Variants in RPH3A observed in about 807,000 individuals in gnomAD.
RPH3A encodes the protein rabphilin 3A.
Under a neutral mutation model 102.2 loss-of-function variants are expected in RPH3A, and 48 were observed. The observed-to-expected ratio is 0.47, with a 90% CI of 0.37 to 0.60. The LOEUF (loss-of-function observed/expected upper bound fraction) is 0.60, where lower values mean the gene tolerates loss of function less well. Ranked by LOEUF, RPH3A falls within the 20% of genes least tolerant of loss-of-function variation. The pLI is 0.00. For missense variants in RPH3A, 781 were observed against 910.1 expected (o/e 0.86, Z 1.83); for synonymous variants, 310 against 324.3 (o/e 0.96, Z 0.47).
chr12:112,585,660 G>A (rs2039433752), intron 1 of RPH3A, among the ~76,000 whole-genome samples: 1 of 152,084 alleles, frequency 6.6e-6, no homozygotes, highest in Non-Finnish European at 1.5e-5. Flanking sequence ...GCTTGGACTC[G>A]GGAGGCAGAG....
intron 1 of RPH3A, among the ~76,000 whole-genome samples, chr12:112,579,436 C>T (rs2039381199): frequency 6.6e-6 from 1 of 152,106 alleles, no homozygotes; most frequent in Non-Finnish European, 1.5e-5. Context: ...GAACTGCCCT[C>T]CAGAATGCCT....
intron 10 of RPH3A, among the ~76,000 whole-genome samples, chr12:112,874,530 C>G (rs1172172562): frequency 6.6e-6 from 1 of 152,172 alleles, no homozygotes; most frequent in African/African-American, 2.4e-5. Context: ...CTGTTGCCTC[C>G]ATGGGGCATC....
At chr12:112,660,336 GAC>G (rs2040041052) in intron 1 of RPH3A, among the ~76,000 whole-genome samples, 1 of 152,082 alleles carries the variant, frequency 6.6e-6, no homozygotes, top group African/African-American at 2.4e-5. Flanking sequence ...TGACTAAAGT[GAC>G]ACACATTATT....
At chr12:112,829,684 T>C (rs2041936833) in intron 3 of RPH3A, among the ~76,000 whole-genome samples, 1 of 152,246 alleles carries the variant, frequency 6.6e-6, no homozygotes, top group African/African-American at 2.4e-5. Context: ...ATAACATTAT[T>C]GTTATTTTCT....
chr12:112,731,515 G>A (rs766249982), intron 1 of RPH3A, among the ~76,000 whole-genome samples: 1 of 152,184 alleles, frequency 6.6e-6, no homozygotes, highest in Non-Finnish European at 1.5e-5. Flanking sequence ...AATCACCTGT[G>A]AATGCCTTTG....
In RPH3A at chr12:112,672,038, T is replaced by TTA. The variant is rs1031845343; in HGVS notation, c.-140+96733_-140+96734dup. Among the ~76,000 whole-genome samples, 596 of 148,568 alleles carry TTA rather than the reference T, an allele frequency of 4.0e-3. 2 individuals carry two copies. Among genetic ancestry groups the TTA allele is most frequent in the African/African-American group, 0.013 (522 of 40,628 alleles). ...TTTAGTGACTTAAATATATATATATTTATATATATATATATGAGAGAGATT... is the reference window on the plus strand; with the variant it reads ...TTTAGTGACTTAAATATATATATATTTATATATATATATATATGAGAGAGATT... On this transcript the variant is annotated intron_variant, in intron 1 of 21. Transcript: ENST00000543106.
At chr12:112,642,135 A>G (rs965641194) in intron 1 of RPH3A, among the ~76,000 whole-genome samples, 1 of 152,156 alleles carries the variant, frequency 6.6e-6, no homozygotes. Context: ...CCTTCTTTGT[A>G]AAAAACAAAC....
At chr12:112,614,870 G>T (rs999129756) in intron 1 of RPH3A, among the ~76,000 whole-genome samples, 1 of 152,020 alleles carries the variant, frequency 6.6e-6, no homozygotes, top group African/African-American at 2.4e-5. Flanking sequence ...CTGCAGTCTT[G>T]AACTCTTGGG....
Position 112,815,358 on chromosome 12 carries a change from A to C in RPH3A, c.-18-12943A>C, listed in dbSNP as rs1169025194. Among the ~76,000 whole-genome samples, 6 of 152,252 alleles carry C rather than the reference A, an allele frequency of 3.9e-5. 1 individual carries two copies. Among genetic ancestry groups the C allele is most frequent in the Admixed American group, 3.9e-4 (6 of 15,286 alleles). ...TAATATGTTTAACCCAACAAATAATAGAGCAGGAGAGTCAGGAGCCTCATT... is the reference window on the plus strand; with the variant it reads ...TAATATGTTTAACCCAACAAATAATCGAGCAGGAGAGTCAGGAGCCTCATT... On this transcript the variant is annotated intron_variant, in intron 2 of 21. Coordinates refer to ENST00000389385, the MANE Select transcript of RPH3A (RefSeq NM_001143854.2).
intron 2 of RPH3A, among the ~76,000 whole-genome samples, chr12:112,807,545 A>C (rs1224261682): frequency 6.6e-6 from 1 of 152,186 alleles, no homozygotes; most frequent in Admixed American, 6.5e-5. Flanking sequence ...ATCTCTCTGC[A>C]TCTCAGTTTC....
intron 1 of RPH3A, among the ~76,000 whole-genome samples, chr12:112,691,561 G>A (rs895479488): frequency 1.3e-5 from 2 of 152,156 alleles, no homozygotes; most frequent in Non-Finnish European, 2.9e-5. Context: ...AATTTTTACA[G>A]CTCTGTTATT....
intron 1 of RPH3A, among the ~76,000 whole-genome samples, chr12:112,734,065 C>T (rs1320711666): frequency 6.6e-6 from 1 of 152,080 alleles, no homozygotes; most frequent in African/African-American, 2.4e-5. Flanking sequence ...AAACGAGGTC[C>T]AAAGGGGGAA....
At chr12:112,713,051 CCTTCTTCTTCTTCTTCTTCTT>C (rs397958107) in intron 1 of RPH3A, among the ~76,000 whole-genome samples, 141 of 85,874 alleles carry the variant, frequency 1.6e-3, no homozygotes, top group South Asian at 5.0e-3. Flanking sequence ...TTCTTCTTCT[CCTTCTTCTTCTTCTTCTTCTT>C]CTTCTTCTTC....
intron 1 of RPH3A, chr12:112,650,614 G>A (rs1448133114): frequency 6.6e-6 from 1 of 152,004 alleles, no homozygotes; most frequent in African/African-American, 2.4e-5. Flanking sequence ...TGCCAGCTCT[G>A]TGAAGCAGAA....
chr12:112,636,398 T>C (rs1476098132), intron 1 of RPH3A, among the ~76,000 whole-genome samples: 1 of 152,164 alleles, frequency 6.6e-6, no homozygotes, highest in Non-Finnish European at 1.5e-5. Context: ...CACCCAAACA[T>C]TTTATATAGA....
intron 1 of RPH3A, among the ~76,000 whole-genome samples, chr12:112,580,205 G>A (rs2039387534): frequency 6.6e-6 from 1 of 150,830 alleles, no homozygotes; most frequent in South Asian, 2.1e-4. Context: ...CCTGTTCTCC[G>A]CCTCTCTCTC....
At chr12:112,684,287 C>T (rs1166462171) in intron 1 of RPH3A, among the ~76,000 whole-genome samples, 1 of 152,126 alleles carries the variant, frequency 6.6e-6, no homozygotes, top group East Asian at 1.9e-4. Context: ...GAGACAGGGT[C>T]TCACTCTGTC....
chr12:112,606,156 C>T (rs969711011), intron 1 of RPH3A, among the ~76,000 whole-genome samples: 2 of 152,098 alleles, frequency 1.3e-5, no homozygotes, highest in Non-Finnish European at 2.9e-5. Context: ...CATGAGCTCA[C>T]GGTCTCGGAG....
intron 1 of RPH3A, among the ~76,000 whole-genome samples, chr12:112,600,459 C>T (rs796784676): frequency 6.6e-6 from 1 of 152,166 alleles, no homozygotes; most frequent in Non-Finnish European, 1.5e-5. Flanking sequence ...TGAGTTCCAT[C>T]CTACTCTGGT....
Sources: gnomAD v4.1 joint callset for allele counts (sites outside exome capture counted in the v4.1 genomes callset) on GRCh38, gnomAD v4.1.1 for gene constraint, MANE v1.5 for transcripts, NCBI Gene and HGNC (gene_info 2026-07-23, HGNC 2026-07-21) for gene names.